The following BRINP1 variants were observed in gnomAD, a reference collection of about 807,000 sequenced individuals.
The protein encoded by BRINP1 is BMP/retinoic acid-inducible neural-specific protein 1.
In BRINP1, 17 loss-of-function variants were observed where a neutral mutation model predicts 72.9. The observed-to-expected ratio is 0.23, with a 90% CI of 0.16 to 0.35. The LOEUF is 0.35. Among genes scored for constraint, BRINP1 ranks in the 10% least tolerant of loss-of-function variants. The probability of loss-of-function intolerance (pLI) is 1.00; values close to 1 mark genes in which losing one functional copy is unlikely to be tolerated. For missense variants in BRINP1, 850 were observed against 1,001.6 expected (o/e 0.85, Z 2.04); for synonymous variants, 418 against 378.5 (o/e 1.10, Z -1.21).
intron 2 of BRINP1, among the ~76,000 whole-genome samples, chr9:119,295,702 T>C (rs1422663721): frequency 6.6e-6 from 1 of 152,024 alleles, no homozygotes; most frequent in Non-Finnish European, 1.5e-5. Flanking sequence ...ACAGACAAAA[T>C]TGAACAGAAT....
At chr9:119,309,205 G>T (rs186141041) in intron 2 of BRINP1, among the ~76,000 whole-genome samples, 22 of 152,286 alleles carry the variant, frequency 1.4e-4, no homozygotes, top group Middle Eastern at 3.4e-3. Context: ...CTTGCATAAG[G>T]CATTTAATAT....
At chr9:119,275,454 T>C (rs1433502969) in intron 2 of BRINP1, among the ~76,000 whole-genome samples, 4 of 152,176 alleles carry the variant, frequency 2.6e-5, no homozygotes, top group African/African-American at 7.2e-5. Flanking sequence ...GCTCATAAAA[T>C]GTGTGCTGAG....
intron 1 of BRINP1, among the ~76,000 whole-genome samples, chr9:119,316,668 G>A (rs945986778): frequency 3.9e-5 from 6 of 151,958 alleles, no homozygotes; most frequent in African/African-American, 7.3e-5. Context: ...ATATTTTAAG[G>A]CCATTATCCA....
chr9:119,312,541 G>A (rs1441290111), intron 2 of BRINP1, among the ~76,000 whole-genome samples: 2 of 152,126 alleles, frequency 1.3e-5, no homozygotes. Context: ...AAAGAATTTG[G>A]GCTAAGTCTT....
At chr9:119,234,513 T>C (rs182018218) in intron 5 of BRINP1, among the ~76,000 whole-genome samples, 2 of 152,332 alleles carry the variant, frequency 1.3e-5, no homozygotes, top group African/African-American at 4.8e-5. Context: ...ATGTATATTC[T>C]GTATTCTATA....
chr9:119,324,512 C>T (rs954653111), intron 1 of BRINP1, among the ~76,000 whole-genome samples: 12 of 152,096 alleles, frequency 7.9e-5, no homozygotes, highest in African/African-American at 2.2e-4. Flanking sequence ...ACAACACAAA[C>T]AAGAAAATGG....
chr9:119,322,413 C>T (rs1476427391), intron 1 of BRINP1, among the ~76,000 whole-genome samples: 7 of 152,148 alleles, frequency 4.6e-5, no homozygotes, highest in African/African-American at 9.7e-5. Context: ...TTAAGGGAGT[C>T]GGGTTCATCC....
In BRINP1 at chr9:119,250,128, GGGAGGGAGGGAGGGAA is replaced by G. The variant is rs1373101312; in HGVS notation, c.219-994_219-979del. Among the ~76,000 whole-genome samples the G allele has an allele frequency of 3.9e-5, 5 of 128,262 alleles. No homozygotes were observed. The East Asian group carries it at 6.6e-4, about 17-fold the overall frequency. 84.1% of individuals were successfully genotyped at this position (128,262 alleles called of 152,430 possible). On this transcript the variant is annotated intron_variant, in intron 2 of 7. Coordinates refer to ENST00000265922, the MANE Select transcript of BRINP1 (RefSeq NM_014618.3). ...AAGGAAGGAGGGAGGGAGGGAAGGA[GGGAGGGAGGGAGGGAA>G]GGAGGGAGGGAGGGTGAGAAGGAGG... is the stretch of plus-strand genomic sequence containing the variant.
At chr9:119,351,844 T>C (rs1341710220) in intron 1 of BRINP1, among the ~76,000 whole-genome samples, 3 of 151,664 alleles carry the variant, frequency 2.0e-5, no homozygotes, top group African/African-American at 7.3e-5. Flanking sequence ...TGGGACAGAG[T>C]CTCACTTCAT....
chr9:119,261,843 C>G (rs572526869), intron 2 of BRINP1, among the ~76,000 whole-genome samples: 2 of 150,660 alleles, frequency 1.3e-5, no homozygotes, highest in African/African-American at 4.9e-5. Context: ...CTTTCTTTCT[C>G]CTCTCTTCTC....
intron 2 of BRINP1, among the ~76,000 whole-genome samples, chr9:119,272,893 C>T (rs901318533): frequency 2.6e-5 from 4 of 152,112 alleles, no homozygotes; most frequent in African/African-American, 9.7e-5. Flanking sequence ...TTGTGTAGGT[C>T]CTTGTCCTTA....
At chr9:119,204,396 T>C (rs1829831911) in intron 7 of BRINP1, among the ~76,000 whole-genome samples, 1 of 152,210 alleles carries the variant, frequency 6.6e-6, no homozygotes, top group Admixed American at 6.5e-5. Context: ...TGAAGCCAAG[T>C]TTTAATCAGC....
At chr9:119,214,323 A>G (rs1829957831) in intron 5 of BRINP1, among the ~76,000 whole-genome samples, 168 bp from the exon 6 acceptor site, 1 of 152,204 alleles carries the variant, frequency 6.6e-6, no homozygotes, top group Non-Finnish European at 1.5e-5. Flanking sequence ...ATTATTGGTG[A>G]GGCTTCCAGT....
intron 1 of BRINP1, among the ~76,000 whole-genome samples, chr9:119,343,352 C>T (rs1325834737): frequency 1.2e-4 from 19 of 152,204 alleles, no homozygotes; most frequent in Non-Finnish European, 1.2e-4. Flanking sequence ...ATATGGGTCA[C>T]GTTCTTCAAG....
At chr9:119,226,806 G>T (rs1445539021) in intron 5 of BRINP1, among the ~76,000 whole-genome samples, 1 of 151,958 alleles carries the variant, frequency 6.6e-6, no homozygotes, top group East Asian at 1.9e-4. Flanking sequence ...AACCTAGAAA[G>T]GTTATGGTGC....
In BRINP1 at chr9:119,312,035, T is replaced by G. The variant is rs542820789; in HGVS notation, c.218+1103A>C. Among the ~76,000 whole-genome samples the G allele has an allele frequency of 1.6e-4, 25 of 152,348 alleles. No individual in the cohort carries two copies. In the East Asian group the frequency reaches 4.8e-3, roughly 29 times the overall value. On this transcript the variant is annotated intron_variant, in intron 2 of 7. Coordinates refer to ENST00000265922, the MANE Select transcript of BRINP1 (RefSeq NM_014618.3). ...GTTATGAGGATTGAACATCCTCCCT[T>G]CATGGCACATGATAAGTGCTCACTA...
At chr9:119,329,440 T>A (rs1045811091) in intron 1 of BRINP1, among the ~76,000 whole-genome samples, 1 of 152,184 alleles carries the variant, frequency 6.6e-6, no homozygotes, top group Non-Finnish European at 1.5e-5. Flanking sequence ...TCTGTGACAA[T>A]CATAGAATCC....
chr9:119,308,582 G>A (rs1028526117), intron 2 of BRINP1, among the ~76,000 whole-genome samples: 5 of 152,166 alleles, frequency 3.3e-5, no homozygotes, highest in Non-Finnish European at 5.9e-5. Flanking sequence ...TAGCCAAGTA[G>A]CTTTACCACA....
chr9:119,240,177 G>A (rs943030011), intron 4 of BRINP1, among the ~76,000 whole-genome samples: 56 of 152,172 alleles, frequency 3.7e-4, no homozygotes, highest in Non-Finnish European at 5.1e-4. Context: ...GCTGAGGCAG[G>A]AGAATCGCTT....
Sources: allele counts gnomAD v4.1 joint callset (sites outside exome capture counted in the v4.1 genomes callset), GRCh38; gene constraint gnomAD v4.1.1; transcripts MANE v1.5; gene names NCBI Gene and HGNC (gene_info 2026-07-23, HGNC 2026-07-21).